PAX7: variants seen among roughly 807,000 people sequenced by gnomAD.
PAX7 encodes paired box 7.
A neutral mutation model predicts 50.7 loss-of-function variants in PAX7; 18 were observed. The ratio of observed to expected loss-of-function variants is 0.36; its 90% CI spans 0.25 to 0.53. The LOEUF is 0.53. Among genes scored for constraint, PAX7 ranks in the 20% least tolerant of loss-of-function variants. PAX7 has a pLI of 0.93. For synonymous variants in PAX7, 310 were observed against 290.4 expected (o/e 1.07, Z -0.69); for missense variants, 644 against 702.9 (o/e 0.92, Z 0.95).
At chr1:18,661,834 C>A (rs934470824) in intron 4 of PAX7, among the ~76,000 whole-genome samples, 4 of 152,228 alleles carry the variant, frequency 2.6e-5, no homozygotes, top group African/African-American at 9.6e-5. Context: ...TCTGCCCGCG[C>A]CTTCCAGTGA....
At position 18,703,044 on chromosome 1, in the gene PAX7, C is replaced by T. The variant is rs1365854453; in HGVS notation, c.953-50C>T. The T allele has an allele frequency of 3.3e-6, 5 of 1,532,210 alleles. No homozygotes were observed. In the East Asian group the frequency reaches 9.1e-5, roughly 28 times the overall value. The allele number at this position is 1,532,210 out of a possible 1,614,324, so 94.9% of individuals were successfully genotyped here. ...TTGCCTTCTGCTCTCAGAGGCCCAG[C>T]GTCCAGGATGAGGCCACTTGCTTAG... On this transcript the variant is annotated intron_variant, in intron 6 of 8. Coordinates refer to ENST00000420770, the MANE Select transcript of PAX7 (RefSeq NM_001135254.2).
At chr1:18,724,132 GCTCACC>G (rs2089527046) in intron 7 of PAX7, among the ~76,000 whole-genome samples, 1 of 152,204 alleles carries the variant, frequency 6.6e-6, no homozygotes, top group Admixed American at 6.5e-5. Context: ...GCGTCAGCGG[GCTCACC>G]CGGCTCCTCT....
chr1:18,698,635 G>C lies in PAX7; in HGVS notation c.787-2018G>C, dbSNP rs150057451. Among the ~76,000 whole-genome samples, 3 of 152,316 alleles carry C rather than the reference G, an allele frequency of 2.0e-5. No individual in the cohort carries two copies. The East Asian group carries it at 5.8e-4, about 29-fold the overall frequency. On this transcript the variant is annotated intron_variant, in intron 5 of 8. Transcript: ENST00000420770. ...CCCTTCCCGCAGAGCCTGGAAGCTC[G>C]GAGGCAAGGCCATTCCTTGCAGGGC...
chr1:18,715,094 G>A (rs1005099177), intron 7 of PAX7, among the ~76,000 whole-genome samples: 4 of 152,070 alleles, frequency 2.6e-5, no homozygotes, highest in African/African-American at 9.7e-5. Flanking sequence ...TGACTTTGAG[G>A]GTCCCCAAAG....
At chr1:18,660,550 G>A (rs1011969463) in intron 4 of PAX7, among the ~76,000 whole-genome samples, 3 of 152,110 alleles carry the variant, frequency 2.0e-5, no homozygotes, top group South Asian at 2.1e-4. Flanking sequence ...GCCCCAAGAT[G>A]AGCATTACTA....
chr1:18,744,077 A>G (rs1474921771), intron 8 of PAX7, among the ~76,000 whole-genome samples: 1 of 152,100 alleles, frequency 6.6e-6, no homozygotes. Context: ...CTCCCTGCGT[A>G]TCTGTGTCCT....
intron 4 of PAX7, among the ~76,000 whole-genome samples, chr1:18,678,402 A>G (rs560758063): frequency 6.6e-4 from 99 of 150,886 alleles, no homozygotes; most frequent in Admixed American, 2.3e-3. Flanking sequence ...TCTATCTCAA[A>G]AATAAAAAAA....
chr1:18,717,866 G>T (rs1383899157), intron 7 of PAX7, among the ~76,000 whole-genome samples: 4 of 152,164 alleles, frequency 2.6e-5, no homozygotes, highest in Non-Finnish European at 4.4e-5. Context: ...GACAAACCAT[G>T]AGCCAGAAGC....
chr1:18,649,471 C>G (rs1380665607), intron 4 of PAX7, among the ~76,000 whole-genome samples: 1 of 152,124 alleles, frequency 6.6e-6, no homozygotes, highest in African/African-American at 2.4e-5. Context: ...CCTAAGAAGC[C>G]TGAAGGGCAG....
chr1:18,660,816 G>C (rs2088589736), intron 4 of PAX7, among the ~76,000 whole-genome samples: 1 of 152,176 alleles, frequency 6.6e-6, no homozygotes, highest in Admixed American at 6.5e-5. Context: ...AGGGAGGGGA[G>C]AGAGGACTCA....
Position 18,735,598 on chromosome 1 carries a change from G to T in PAX7, c.1156-34G>T, listed in dbSNP as rs201313442. Reference sequence around the variant, plus strand: ...GTGCTCGTGTCTCTGGGGTCTGTCCGGTGAGCCTGGCACTAATGGCCTTTT... The same window carrying T: ...GTGCTCGTGTCTCTGGGGTCTGTCCTGTGAGCCTGGCACTAATGGCCTTTT... On this transcript the variant is annotated intron_variant, in intron 7 of 8. Coordinates refer to ENST00000420770, the MANE Select transcript of PAX7 (RefSeq NM_001135254.2). This position sits in a 1 kb window ranked among gnomAD's most constrained non-coding sequence, Gnocchi z 4.0. 1 of 1,587,126 alleles carries T rather than the reference G, an allele frequency of 6.3e-7. No individual in the cohort carries two copies. Among genetic ancestry groups the T allele is most frequent in the East Asian group, 2.2e-5 (1 of 44,506 alleles).
At chr1:18,694,784 C>G (rs1423413578) in intron 5 of PAX7, among the ~76,000 whole-genome samples, 1 of 152,136 alleles carries the variant, frequency 6.6e-6, no homozygotes. Flanking sequence ...TTACTAAGAC[C>G]CTTACATTTC....
At chr1:18,733,950 T>C (rs920092099) in intron 7 of PAX7, among the ~76,000 whole-genome samples, 3 of 152,126 alleles carry the variant, frequency 2.0e-5, no homozygotes, top group African/African-American at 7.2e-5. Flanking sequence ...CAAATCTCTG[T>C]GGGCTTTTGG....
chr1:18,721,413 C>A (rs2089492247), intron 7 of PAX7, among the ~76,000 whole-genome samples: 1 of 152,230 alleles, frequency 6.6e-6, no homozygotes, highest in African/African-American at 2.4e-5. Context: ...CTTCCCGAAT[C>A]CCTTCCTGGT....
chr1:18,725,317 C>CTG (rs148441208), intron 7 of PAX7, among the ~76,000 whole-genome samples: 3 of 138,374 alleles, frequency 2.2e-5, no homozygotes, highest in African/African-American at 8.1e-5. Context: ...CCCCCCGCCC[C>CTG]ACCAACACCG....
rs1931515366 is a variant in PAX7, at chr1:18,747,929, G to A, written c.*3000G>A. 9 of 197,374 alleles carry A rather than the reference G, an allele frequency of 4.6e-5. No individual in the cohort carries two copies. The highest frequency in any genetic ancestry group is 8.4e-5 in the Non-Finnish European group (8 of 95,286). 12.2% of individuals were successfully genotyped at this position (197,374 alleles called of 1,614,324 possible). On this transcript the variant is annotated 3_prime_UTR_variant, in exon 9 of 9. Coordinates refer to ENST00000420770, the MANE Select transcript of PAX7 (RefSeq NM_001135254.2). Reference sequence around the variant, plus strand: ...CAAATTATGCATTCCAGGCTCTAGTGGGTTCTTTCAATCTTGTTCCTTTAT... The same window carrying A: ...CAAATTATGCATTCCAGGCTCTAGTAGGTTCTTTCAATCTTGTTCCTTTAT...
chr1:18,675,713 C>T (rs1036024412), intron 4 of PAX7, among the ~76,000 whole-genome samples: 4 of 152,316 alleles, frequency 2.6e-5, no homozygotes, highest in African/African-American at 9.6e-5. Flanking sequence ...TCTGTCGCAG[C>T]TCTCATAACT....
At chr1:18,744,453 T>TGGATAGAAGGATGGATGGATAGAA (rs1931314248) in intron 8 of PAX7, among the ~76,000 whole-genome samples, 1 of 107,712 alleles carries the variant, frequency 9.3e-6, no homozygotes, top group African/African-American at 4.0e-5. Flanking sequence ...GATGGATGGA[T>TGGATAGAAGGATGGATGGATAGAA]GGATGGATGG....
chr1:18,637,986 A>G (rs2088189933), intron 4 of PAX7, among the ~76,000 whole-genome samples: 1 of 152,256 alleles, frequency 6.6e-6, no homozygotes, highest in Non-Finnish European at 1.5e-5. Context: ...CGGGGGACCC[A>G]GTCCTTATTT....
Sources: allele counts gnomAD v4.1 joint callset (sites outside exome capture counted in the v4.1 genomes callset), GRCh38; gene constraint gnomAD v4.1.1; non-coding constraint Gnocchi (gnomAD v3.1); transcripts MANE v1.5; gene names NCBI Gene and HGNC (gene_info 2026-07-23, HGNC 2026-07-21).